Variants in RERE observed in about 807,000 individuals in gnomAD.
RERE encodes the protein arginine-glutamic acid dipeptide repeats protein.
Under a neutral mutation model 146.1 loss-of-function variants are expected in RERE, and 40 were observed. The ratio of observed to expected loss-of-function variants is 0.27; its 90% CI spans 0.21 to 0.36. The LOEUF (loss-of-function observed/expected upper bound fraction) is 0.36, where lower values mean the gene tolerates loss of function less well. Ranked by LOEUF, RERE falls within the 10% of genes least tolerant of loss-of-function variation. RERE has a pLI of 1.00. For missense variants in RERE, 1,933 were observed against 2,138.7 expected, an observed-to-expected ratio of 0.90 and a Z score of 1.90; for synonymous variants, 1,003 against 866.0, an observed-to-expected ratio of 1.16 and a Z score of -2.78.
At chr1:8,691,655 C>G (rs374488963) in intron 1 of RERE, among the ~76,000 whole-genome samples, 40 of 152,248 alleles carry the variant, frequency 2.6e-4, no homozygotes, top group South Asian at 1.0e-3. Flanking sequence ...ATATATTACA[C>G]CAATACTCAA....
chr1:8,787,830 C>CAAAAA (rs1254862943), intron 1 of RERE, among the ~76,000 whole-genome samples: 1 of 117,946 alleles, frequency 8.5e-6, no homozygotes, highest in Non-Finnish European at 1.7e-5. Context: ...GACTCTGCCT[C>CAAAAA]AAAAAAAAAA....
chr1:8,448,367 A>C (rs1364094787), intron 11 of RERE, among the ~76,000 whole-genome samples: 3 of 152,182 alleles, frequency 2.0e-5, no homozygotes, highest in Non-Finnish European at 2.9e-5. Flanking sequence ...TTCTCAGCAT[A>C]AATATTCTAA....
intron 4 of RERE, among the ~76,000 whole-genome samples, chr1:8,572,669 A>G (rs1192212267): frequency 6.6e-6 from 1 of 152,210 alleles, no homozygotes; most frequent in Non-Finnish European, 1.5e-5. Context: ...ATGGTTGCTG[A>G]GTATATAGAA....
intron 8 of RERE, among the ~76,000 whole-genome samples, chr1:8,499,204 G>A (rs932314151): frequency 2.0e-5 from 3 of 152,238 alleles, no homozygotes; most frequent in African/African-American, 7.2e-5. Flanking sequence ...AGAGCTCCAT[G>A]GGACATGAAG....
chr1:8,395,474 CA>C (rs36088351), intron 12 of RERE, among the ~76,000 whole-genome samples: 37,548 of 110,020 alleles, frequency 0.34, 6,296 homozygotes, highest in African/African-American at 0.56. Flanking sequence ...GGCTCTGTCT[CA>C]AAAAAAAAAA....
At chr1:8,519,704 A>G (rs923294592) in intron 7 of RERE, 4 of 152,106 alleles carry the variant, frequency 2.6e-5, no homozygotes, top group Non-Finnish European at 5.9e-5. Context: ...CCGAAGTACC[A>G]CTTACCTCTC....
At chr1:8,509,262 T>C (rs567398416) in intron 7 of RERE, among the ~76,000 whole-genome samples, 131 of 152,272 alleles carry the variant, frequency 8.6e-4, no homozygotes, top group African/African-American at 3.1e-3. Flanking sequence ...ACCATCATTC[T>C]TTCATGCCTC....
intron 7 of RERE, among the ~76,000 whole-genome samples, chr1:8,527,033 A>T (rs903919218): frequency 6.6e-6 from 1 of 152,234 alleles, no homozygotes; most frequent in African/African-American, 2.4e-5. Flanking sequence ...ATGTCAGGAA[A>T]TTAAAGCCTG....
chr1:8,503,883 T>C (rs995528661), intron 8 of RERE, among the ~76,000 whole-genome samples: 1 of 152,224 alleles, frequency 6.6e-6, no homozygotes, highest in Non-Finnish European at 1.5e-5. Context: ...TGATTATTGC[T>C]ATTCTGGGCT....
At chr1:8,385,968 TAAAAAAAAAAAA>T (rs34493389) in intron 12 of RERE, among the ~76,000 whole-genome samples, 2 of 9,480 alleles carry the variant, frequency 2.1e-4, no homozygotes, top group Non-Finnish European at 3.2e-4. Flanking sequence ...GACTCCGTCT[TAAAAAAAAAAAA>T]AAAAAAAAAA....
At position 8,787,010 on chromosome 1, in the gene RERE, T is replaced by C. The variant is rs915351109; in HGVS notation, c.-145+30150A>G. The stretch of plus-strand genomic sequence containing the variant: ...TGATCTTTATAAGACAGAGATCAGA[T>C]TCTGTCACACACACCTGATGAAAAC... On this transcript the variant is annotated intron_variant, in intron 1 of 22. Coordinates refer to ENST00000400908, the MANE Select transcript of RERE (RefSeq NM_001042681.2). 65 of 585,042 alleles carry C rather than the reference T, an allele frequency of 1.1e-4. 1 individual carries two copies. The highest frequency in any genetic ancestry group is 1.1e-3 in the African/African-American group (59 of 53,560). 36.2% of individuals were successfully genotyped at this position (585,042 alleles called of 1,614,324 possible). A position where few individuals can be genotyped will look rare whatever the true frequency, so the allele number is the denominator to read the frequency against.
At chr1:8,556,695 A>G in intron 5 of RERE, 124 bp from the exon 6 acceptor site, 2 of 632,320 alleles carry the variant, frequency 3.2e-6, no homozygotes, top group Non-Finnish European at 5.7e-6. Flanking sequence ...AGCATCGTTA[A>G]GTATGCAAAA....
At chr1:8,532,302 A>G (rs1645664711) in intron 7 of RERE, among the ~76,000 whole-genome samples, 2 of 151,970 alleles carry the variant, frequency 1.3e-5, no homozygotes, top group South Asian at 4.2e-4. Context: ...TAAAGGTTTT[A>G]TTAGCTTCAT....
chr1:8,380,091 C>T (rs1278025068), intron 12 of RERE, among the ~76,000 whole-genome samples: 2 of 152,208 alleles, frequency 1.3e-5, no homozygotes, highest in Non-Finnish European at 1.5e-5. Flanking sequence ...TGTCACTGTG[C>T]TCCCAGAACA....
At chr1:8,391,724 C>T (rs190794680) in intron 12 of RERE, among the ~76,000 whole-genome samples, 41 of 152,324 alleles carry the variant, frequency 2.7e-4, no homozygotes, top group Admixed American at 2.6e-3. Context: ...TTCACCTAAT[C>T]TGTCTTCTTC....
At chr1:8,780,466 G>C (rs1641144338) in intron 1 of RERE, among the ~76,000 whole-genome samples, 1 of 152,152 alleles carries the variant, frequency 6.6e-6, no homozygotes, top group Non-Finnish European at 1.5e-5. Flanking sequence ...TTTAACTCTA[G>C]GACCTCAAAG....
At chr1:8,593,340 G>A (rs1646516855) in intron 4 of RERE, among the ~76,000 whole-genome samples, 1 of 152,208 alleles carries the variant, frequency 6.6e-6, no homozygotes, top group Non-Finnish European at 1.5e-5. Flanking sequence ...TTGTGGGAAA[G>A]AGCCAGTGGG....
At chr1:8,391,908 T>C (rs1024684698) in intron 12 of RERE, among the ~76,000 whole-genome samples, 37 of 152,228 alleles carry the variant, frequency 2.4e-4, no homozygotes, top group African/African-American at 8.9e-4. Context: ...GTGCCTGTGA[T>C]ACCAGCTACT....
chr1:8,579,687 T>C (rs1271968825), intron 4 of RERE, among the ~76,000 whole-genome samples: 2 of 152,200 alleles, frequency 1.3e-5, no homozygotes, highest in Non-Finnish European at 1.5e-5. Context: ...AACTACCCCA[T>C]CTGAAATCTG....
Sources: gnomAD v4.1 joint callset for allele counts (sites outside exome capture counted in the v4.1 genomes callset) on GRCh38, gnomAD v4.1.1 for gene constraint, MANE v1.5 for transcripts, NCBI Gene and HGNC (gene_info 2026-07-23, HGNC 2026-07-21) for gene names.